The following LMOD1 variants were observed in gnomAD, a reference collection of about 807,000 sequenced individuals.
LMOD1 encodes the protein leiomodin 1.
In LMOD1, 8 loss-of-function variants were observed where a neutral mutation model predicts 36.5. The observed-to-expected ratio is 0.22, with a 90% CI of 0.13 to 0.40. LMOD1 has a LOEUF of 0.40. Among genes scored for constraint, LMOD1 ranks in the 10% least tolerant of loss-of-function variants. The pLI is 1.00. For synonymous variants in LMOD1, 284 were observed against 288.7 expected, an observed-to-expected ratio of 0.98 and a Z score of 0.17; for missense variants, 630 against 751.1, an observed-to-expected ratio of 0.84 and a Z score of 1.88.
intron 1 of LMOD1, among the ~76,000 whole-genome samples, chr1:201,944,093 G>A (rs1331932205): frequency 6.6e-6 from 1 of 152,178 alleles, no homozygotes; most frequent in Non-Finnish European, 1.5e-5. Flanking sequence ...AGAGTGAGGG[G>A]ATCAGAACAG....
chr1:201,899,192 C>A lies in LMOD1; in HGVS notation c.1776+45G>T, dbSNP rs1229125026. 2.0e-6 allele frequency: 3 copies of A among 1,513,720 alleles called. No individual in the cohort carries two copies. The highest frequency in any genetic ancestry group is 2.7e-6 in the Non-Finnish European group (3 of 1,125,072). The allele number at this position is 1,513,720 out of a possible 1,614,324, so 93.8% of individuals were successfully genotyped here. On this transcript the variant is annotated intron_variant, in intron 2 of 2. Transcript: ENST00000367288. The surrounding 1 kb of genome is among the most constrained non-coding windows in gnomAD (Gnocchi z 6.3). ...TTGCAGTCCTACCCTCTCCTCCAGGCCCTACCCAGCCCCGCCCTGTTGGCT... is the reference window on the plus strand; with the variant it reads ...TTGCAGTCCTACCCTCTCCTCCAGGACCTACCCAGCCCCGCCCTGTTGGCT...
chr1:201,922,978 C>T (rs1192011631), intron 1 of LMOD1, among the ~76,000 whole-genome samples: 3 of 152,086 alleles, frequency 2.0e-5, no homozygotes, highest in Non-Finnish European at 4.4e-5. Context: ...GTGCGCACCA[C>T]CATGCCCGGC....
intron 1 of LMOD1, among the ~76,000 whole-genome samples, chr1:201,929,318 G>A (rs1052508702): frequency 3.9e-4 from 59 of 152,026 alleles, no homozygotes; most frequent in African/African-American, 1.3e-3. Flanking sequence ...CTGACTGCAG[G>A]TGATTCACCT....
At chr1:201,909,326 C>A (rs1216856674) in intron 1 of LMOD1, among the ~76,000 whole-genome samples, 1 of 152,214 alleles carries the variant, frequency 6.6e-6, no homozygotes, top group Non-Finnish European at 1.5e-5. Flanking sequence ...GAATGGCCAC[C>A]CCTTCCATCC....
In LMOD1 at chr1:201,936,921, C is replaced by G. The variant is rs149045557; in HGVS notation, c.261+9159G>C. ...CGCCACTGCATTCCAGACTGGGCAA[C>G]AGAGTGAGACTCTGTCTCAAAAAAA... On this transcript the variant is annotated intron_variant, in intron 1 of 2. Coordinates refer to ENST00000367288, the MANE Select transcript of LMOD1 (RefSeq NM_012134.3). Among the ~76,000 whole-genome samples, 699 of 152,126 alleles carry G rather than the reference C, an allele frequency of 4.6e-3. 3 individuals carry two copies. The highest frequency in any genetic ancestry group is 0.016 in the African/African-American group (655 of 41,500).
chr1:201,936,983 A>G, intron 1 of LMOD1, among the ~76,000 whole-genome samples: 1 of 152,192 alleles, frequency 6.6e-6, no homozygotes, highest in African/African-American at 2.4e-5. Context: ...TTGGTAGTGA[A>G]GACCCTGACT....
intron 1 of LMOD1, among the ~76,000 whole-genome samples, chr1:201,921,651 G>T (rs1398536880): frequency 3.3e-5 from 5 of 151,900 alleles, no homozygotes; most frequent in Admixed American, 3.3e-4. Context: ...GGGACTTACA[G>T]AATAGGTCAA....
At chr1:201,918,018 C>T (rs573815813) in intron 1 of LMOD1, among the ~76,000 whole-genome samples, 2 of 152,346 alleles carry the variant, frequency 1.3e-5, no homozygotes, top group African/African-American at 4.8e-5. Flanking sequence ...CTGCTGTCAT[C>T]GTCTTGAAAG....
intron 1 of LMOD1, among the ~76,000 whole-genome samples, chr1:201,925,796 C>G (rs2102923490): frequency 6.6e-6 from 1 of 152,018 alleles, no homozygotes; most frequent in South Asian, 2.1e-4. Flanking sequence ...CCTCAACCTC[C>G]CAGGCTCAAG....
At chr1:201,929,199 T>C (rs1335740423) in intron 1 of LMOD1, among the ~76,000 whole-genome samples, 1 of 151,942 alleles carries the variant, frequency 6.6e-6, no homozygotes, top group Admixed American at 6.6e-5. Flanking sequence ...GCCTCCTGGG[T>C]TCAAGTGATT....
At chr1:201,931,572 T>C (rs1681923416) in intron 1 of LMOD1, among the ~76,000 whole-genome samples, 1 of 143,856 alleles carries the variant, frequency 7.0e-6, no homozygotes, top group Non-Finnish European at 1.5e-5. Context: ...AAAGCTTGCA[T>C]ATAAAAAGGG....
intron 1 of LMOD1, among the ~76,000 whole-genome samples, chr1:201,943,483 T>C (rs1459023775): frequency 6.6e-6 from 1 of 152,252 alleles, no homozygotes; most frequent in Non-Finnish European, 1.5e-5. Flanking sequence ...GCCAGCAGCC[T>C]GGAGTCCACC....
In LMOD1 at chr1:201,899,613, A is replaced by G. The variant is rs1571572398; in HGVS notation, c.1400T>C (p.Leu467Pro). The G allele has an allele frequency of 6.2e-7, 1 of 1,612,646 alleles. No homozygotes were observed. The highest frequency in any genetic ancestry group is 8.5e-7 in the Non-Finnish European group (1 of 1,179,394). Residue 467 changes from leucine (L) to proline (P), a missense_variant, in exon 2 of 3, where the codon CTC becomes CCC. Transcript: ENST00000367288. This position sits in a 1 kb window ranked among gnomAD's most constrained non-coding sequence, Gnocchi z 6.3. ...AGPRMTVTNL[L>P]SRNMDKQRQK... The stretch of plus-strand genomic sequence containing the variant: ...TCTCTGCTTGTCCATGTTGCGGCTG[A>G]GCAGATTGGTGACAGTCATTCGGGG...
chr1:201,940,161 G>A (rs573961091), intron 1 of LMOD1, among the ~76,000 whole-genome samples: 4 of 147,780 alleles, frequency 2.7e-5, no homozygotes, highest in African/African-American at 1.0e-4. Context: ...CCTCCCTCTT[G>A]CATTTTCCAT....
At chr1:201,917,986 G>A (rs1006068124) in intron 1 of LMOD1, among the ~76,000 whole-genome samples, 3 of 152,210 alleles carry the variant, frequency 2.0e-5, no homozygotes, top group African/African-American at 7.2e-5. Context: ...TGCTCAGAGG[G>A]CCCTACGCTT....
chr1:201,918,300 T>TCACATCCCCTCA (rs1681643030), intron 1 of LMOD1, among the ~76,000 whole-genome samples: 1 of 152,210 alleles, frequency 6.6e-6, no homozygotes, highest in Admixed American at 6.5e-5. Flanking sequence ...GTTTGCGGCC[T>TCACATCCCCTCA]CCATCATCTC....
In LMOD1 at chr1:201,900,129, G is replaced by A. The variant is rs2820312; in HGVS notation, c.884C>T (p.Thr295Met). The A allele has an allele frequency of 0.31, 501,402 of 1,613,506 alleles. 80,997 individuals are homozygous for A. Among genetic ancestry groups the A allele is most frequent in the Non-Finnish European group, 0.33 (394,596 of 1,179,678 alleles). ...DSKTKTPEKQ[T>M]PSGPTKPSEG... ...AGAGGGCTTGGTGGGGCCACTGGGC[G>A]TCTGTTTCTCGGGTGTTTTGGTCTT... Residue 295 changes from threonine (T) to methionine (M), a missense_variant, in exon 2 of 3, where the codon ACG (threonine) becomes ATG (methionine). Around this residue, in one of 3 missense-constraint regions of LMOD1, gnomAD observed 405 missense variants for 400.6 expected, o/e 1.01. Coordinates refer to ENST00000367288, the MANE Select transcript of LMOD1 (RefSeq NM_012134.3).
chr1:201,919,216 C>T (rs114281797), intron 1 of LMOD1, among the ~76,000 whole-genome samples: 2,256 of 144,362 alleles, frequency 0.016, 59 homozygotes, highest in African/African-American at 0.053. Context: ...AAGACAGAAA[C>T]TTTTTTTTTT....
intron 1 of LMOD1, among the ~76,000 whole-genome samples, chr1:201,913,936 G>A (rs1681555453): frequency 6.6e-6 from 1 of 152,138 alleles, no homozygotes; most frequent in South Asian, 2.1e-4. Flanking sequence ...CACTTGGGCT[G>A]TTTTTGGCTA....
Sources: gnomAD v4.1 joint callset for allele counts (sites outside exome capture counted in the v4.1 genomes callset) on GRCh38, gnomAD v4.1.1 for gene constraint, gnomAD v4.1.1 regional missense constraint, Gnocchi (gnomAD v3.1) non-coding constraint, MANE v1.5 for transcripts, NCBI Gene and HGNC (gene_info 2026-07-23, HGNC 2026-07-21) for gene names.